PFKFB4: variants seen among roughly 807,000 people sequenced by gnomAD.
PFKFB4 encodes the protein 6-phosphofructo-2-kinase/fructose-2,6-biphosphatase 4, also known as 6-phosphofructo-2-kinase/fructose-2,6-bisphosphatase 4.
Under a neutral mutation model 62.8 loss-of-function variants are expected in PFKFB4, and 42 were observed. That is an observed-to-expected ratio of 0.67 (90% confidence interval 0.52 to 0.86). The LOEUF (loss-of-function observed/expected upper bound fraction) is 0.86. Ranked by LOEUF, PFKFB4 falls within the 40% of genes least tolerant of loss-of-function variation. The probability of loss-of-function intolerance (pLI) is 0.00; values close to 1 mark genes in which losing one functional copy is unlikely to be tolerated. For missense variants in PFKFB4, 475 were observed against 627.2 expected, an observed-to-expected ratio of 0.76 and a Z score of 2.59; for synonymous variants, 204 against 240.7, an observed-to-expected ratio of 0.85 and a Z score of 1.41.
intron 3 of PFKFB4, among the ~76,000 whole-genome samples, chr3:48,548,961 G>C (rs2043046012): frequency 6.6e-6 from 1 of 152,210 alleles, no homozygotes; most frequent in African/African-American, 2.4e-5. Context: ...GTGGACCCCA[G>C]TGGCAGCCTG....
upstream of PFKFB4, chr3:48,556,823 C>CCGGGCCACCT: frequency 2.6e-6 from 4 of 1,565,030 alleles, no homozygotes; most frequent in Non-Finnish European, 3.5e-6. This position sits in a 1 kb window ranked among gnomAD's most constrained non-coding sequence, Gnocchi z 5.7. Flanking sequence ...AACCCAGCAG[C>CCGGGCCACCT]CGGGCCACCT....
At chr3:48,550,630 T>C (rs2043113998) in intron 1 of PFKFB4, among the ~76,000 whole-genome samples, 2 of 152,148 alleles carry the variant, frequency 1.3e-5, no homozygotes, top group African/African-American at 4.8e-5. Context: ...ATCCATACCC[T>C]AACCTTTTTA....
At position 48,525,689 on chromosome 3, in the gene PFKFB4, A is replaced by G; in HGVS notation, c.988-20T>C. On this transcript the variant is annotated intron_variant, in intron 9 of 13. Coordinates refer to ENST00000232375, the MANE Select transcript of PFKFB4 (RefSeq NM_004567.4). Reference sequence around the variant, plus strand: ...GACGCCCTAGGGAGATACCACAGTCATCACACCTCCTACAGGCCCAGAAGA... The same window carrying G: ...GACGCCCTAGGGAGATACCACAGTCGTCACACCTCCTACAGGCCCAGAAGA... The G allele has an allele frequency of 7.1e-7, 1 of 1,410,604 alleles. No individual in the cohort carries two copies. Among genetic ancestry groups the G allele is most frequent in the Non-Finnish European group, 9.9e-7 (1 of 1,008,092 alleles). 87.4% of individuals were successfully genotyped at this position (1,410,604 alleles called of 1,614,324 possible). A position where few individuals can be genotyped will look rare whatever the true frequency, so the allele number is the denominator to read the frequency against.
intron 9 of PFKFB4, among the ~76,000 whole-genome samples, chr3:48,529,497 G>C (rs2042366694): frequency 6.6e-6 from 1 of 152,168 alleles, no homozygotes; most frequent in South Asian, 2.1e-4. Flanking sequence ...GGTGGCTGCA[G>C]GCTTCTCTGC....
chr3:48,539,624 G>A, intron 5 of PFKFB4, 73 bp downstream of exon 5: 1 of 1,236,762 alleles, frequency 8.1e-7, no homozygotes, highest in Non-Finnish European at 1.2e-6. Flanking sequence ...GCATAAGCAG[G>A]CGGTGAAAGG....
At chr3:48,533,686 C>T (rs2042501011) in intron 9 of PFKFB4, among the ~76,000 whole-genome samples, 1 of 152,134 alleles carries the variant, frequency 6.6e-6, no homozygotes, top group African/African-American at 2.4e-5. Flanking sequence ...GAAACCCTGT[C>T]TCTACTAAAA....
Position 48,536,465 on chromosome 3 carries a change from T to C in PFKFB4, c.633-2A>G, listed in dbSNP as rs2107525531. 1 of 1,601,002 alleles carries C rather than the reference T, an allele frequency of 6.2e-7. No individual in the cohort carries two copies. The highest frequency in any genetic ancestry group is 1.1e-5 in the South Asian group (1 of 90,874). ...ATGATCTTGATATAGGACAGGTCCC[T>C]GTCCAGAGAGAAAGTAGAAAGAGGC... On this transcript the variant is annotated splice_acceptor_variant, in intron 7 of 13. Transcript: ENST00000232375. LOFTEE classifies it high-confidence loss of function.
upstream of PFKFB4, among the ~76,000 whole-genome samples, chr3:48,558,675 C>A (rs1361217349): frequency 6.6e-6 from 1 of 152,228 alleles, no homozygotes; most frequent in Non-Finnish European, 1.5e-5. Context: ...AGCTGCTTGC[C>A]CTGGGAACAC....
intron 1 of PFKFB4, among the ~76,000 whole-genome samples, chr3:48,554,110 G>A (rs2043241012): frequency 6.6e-6 from 1 of 152,128 alleles, no homozygotes; most frequent in African/African-American, 2.4e-5. Flanking sequence ...AGCCCCTAGT[G>A]CCCTGAGGAG....
chr3:48,534,372 G>A (rs945013368), intron 9 of PFKFB4, among the ~76,000 whole-genome samples: 19 of 152,080 alleles, frequency 1.2e-4, no homozygotes, highest in African/African-American at 4.6e-4. Flanking sequence ...CCAGAAATCC[G>A]AGAATCTCAA....
At chr3:48,562,495 T>TTAGG (rs2043447732), upstream of PFKFB4, 3 of 465,576 alleles carry the variant, frequency 6.4e-6, no homozygotes, top group African/African-American at 4.1e-5. This position sits in a 1 kb window ranked among gnomAD's most constrained non-coding sequence, Gnocchi z 4.3. Context: ...CGGACATATA[T>TTAGG]TAGGTCTGTG....
chr3:48,530,984 G>A (rs1041287788), intron 9 of PFKFB4, among the ~76,000 whole-genome samples: 1 of 152,076 alleles, frequency 6.6e-6, no homozygotes, highest in Non-Finnish European at 1.5e-5. Flanking sequence ...TGGGATTGCA[G>A]GCATGAGCCA....
intron 3 of PFKFB4, among the ~76,000 whole-genome samples, chr3:48,544,323 G>T (rs561698699): frequency 6.6e-6 from 1 of 151,860 alleles, no homozygotes; most frequent in African/African-American, 2.4e-5. Flanking sequence ...CTGAAAGAGA[G>T]TTCCCCAAAC....
upstream of PFKFB4, chr3:48,559,830 C>T (rs1178463160): frequency 2.9e-6 from 1 of 344,958 alleles, no homozygotes; most frequent in African/African-American, 2.2e-5. Context: ...GGCCAGTTCT[C>T]AAAGCTCAAA....
upstream of PFKFB4, chr3:48,556,830 A>T: frequency 2.0e-6 from 3 of 1,526,744 alleles, no homozygotes; most frequent in Non-Finnish European, 2.6e-6. The surrounding 1 kb of genome is among the most constrained non-coding windows in gnomAD (Gnocchi z 5.7). Context: ...CAGCCGGGCC[A>T]CCTCGGGCCA....
At chr3:48,552,708 C>A (rs748912998) in intron 1 of PFKFB4, among the ~76,000 whole-genome samples, 3 of 152,220 alleles carry the variant, frequency 2.0e-5, no homozygotes, top group Non-Finnish European at 4.4e-5. Context: ...GGGCCACCCC[C>A]CAACTGCTCC....
At position 48,539,298 on chromosome 3, in the gene PFKFB4, C is replaced by A; in HGVS notation, c.466G>T (p.Glu156Ter). ...EQNGYKTFFV[E>*]SICVDPEVIA... ...ACCTCAGGATCCACACAGATGGACTCGACAAAAAAGGTCTGCGGCAGGACC... is the reference window on the plus strand; with the variant it reads ...ACCTCAGGATCCACACAGATGGACTAGACAAAAAAGGTCTGCGGCAGGACC... Residue 156 changes from glutamate to a stop codon, truncating the protein, a stop_gained, in exon 6 of 14, where the codon GAG becomes TAG. Coordinates refer to ENST00000232375, the MANE Select transcript of PFKFB4 (RefSeq NM_004567.4). LOFTEE classifies it high-confidence loss of function. 6.2e-7 allele frequency: 1 copy of A among 1,613,982 alleles called. No homozygotes were observed. The highest frequency in any genetic ancestry group is 8.5e-7 in the Non-Finnish European group (1 of 1,179,916).
intron 4 of PFKFB4, 97 bp from the exon 5 acceptor site, chr3:48,539,868 C>G (rs1444869507): frequency 1.1e-6 from 1 of 919,296 alleles, no homozygotes. Context: ...AGCACAGGCT[C>G]TCTGGGGACT....
intron 3 of PFKFB4, chr3:48,548,569 G>A (rs769710612): frequency 5.3e-5 from 8 of 152,048 alleles, no homozygotes; most frequent in Non-Finnish European, 1.0e-4. Flanking sequence ...ACTTTTTAGC[G>A]GTGGATGGGC....
Sources: allele counts gnomAD v4.1 joint callset (sites outside exome capture counted in the v4.1 genomes callset), GRCh38; gene constraint gnomAD v4.1.1; non-coding constraint Gnocchi (gnomAD v3.1); transcripts MANE v1.5; gene names NCBI Gene and HGNC (gene_info 2026-07-23, HGNC 2026-07-21).